TUBE1: variants seen among roughly 807,000 people sequenced by gnomAD.
The protein encoded by TUBE1 is tubulin epsilon chain.
A neutral mutation model predicts 53.5 loss-of-function variants in TUBE1; 34 were observed. That is an observed-to-expected ratio of 0.64 (90% CI 0.48 to 0.85). TUBE1 has a LOEUF of 0.85. TUBE1 is among the 40% of genes least tolerant of loss of function. The pLI, the probability that TUBE1 is intolerant of heterozygous loss-of-function variation, is 0.00. For synonymous variants in TUBE1, 177 were observed against 198.4 expected (o/e 0.89, Z 0.91); for missense variants, 532 against 570.5 (o/e 0.93, Z 0.69).
intron 4 of TUBE1, among the ~76,000 whole-genome samples, chr6:112,081,440 T>G (rs1249983032): frequency 1.3e-5 from 2 of 152,086 alleles, no homozygotes; most frequent in African/African-American, 2.4e-5. Context: ...CCAAAATGCC[T>G]AGTTGGGGGA....
At chr6:112,077,256 C>T (rs1554316205) in intron 6 of TUBE1, 1 of 152,142 alleles carries the variant, frequency 6.6e-6, no homozygotes, top group African/African-American at 2.4e-5. Context: ...AGCATGCCTA[C>T]CTCGAATTTC....
intron 3 of TUBE1, among the ~76,000 whole-genome samples, chr6:112,085,903 G>C (rs373329679): frequency 1.2e-4 from 19 of 152,124 alleles, no homozygotes; most frequent in Admixed American, 1.2e-3. Flanking sequence ...CAGGAAGCGC[G>C]GACTAATCAG....
intron 4 of TUBE1, among the ~76,000 whole-genome samples, chr6:112,081,700 A>G (rs1158614132): frequency 2.6e-5 from 4 of 152,052 alleles, no homozygotes; most frequent in African/African-American, 9.7e-5. Flanking sequence ...TCCCCCAAGT[A>G]ATTCACAATC....
chr6:112,076,541 TA>T, intron 6 of TUBE1, 32 bp from the exon 7 acceptor site: 1 of 1,534,808 alleles, frequency 6.5e-7, no homozygotes, highest in Middle Eastern at 1.8e-4. Flanking sequence ...AAAATTAGCA[TA>T]AATGATTCAG....
intron 6 of TUBE1, chr6:112,077,398 C>T (rs1776989138): frequency 1.3e-5 from 2 of 152,112 alleles, no homozygotes; most frequent in South Asian, 4.1e-4. Flanking sequence ...AAACTGGAAT[C>T]CTCTAATCCG....
chr6:112,079,636 C>T lies in TUBE1; in HGVS notation c.445G>A (p.Gly149Arg). The change falls in exon 6 of 12, where the codon GGA becomes AGA. Residue 149 changes from glycine (G) to arginine (R), a missense_variant. Gly to Arg is a moderately radical substitution (Grantham distance 125). Coordinates refer to ENST00000368662, the MANE Select transcript of TUBE1 (RefSeq NM_016262.5). Reference sequence around the variant, plus strand: ...GCAAATGAGTGAAAAATTTTACCTCCTCCCATGGAATGTATTATAAAGAAA... The same window carrying T: ...GCAAATGAGTGAAAAATTTTACCTCTTCCCATGGAATGTATTATAAAGAAA... ...QCFFIIHSMG[G>R]GTGSGLGTFL... The T allele has an allele frequency of 6.2e-7, 1 of 1,610,814 alleles. No homozygotes were observed. Among genetic ancestry groups the T allele is most frequent in the Non-Finnish European group, 8.5e-7 (1 of 1,178,618 alleles).
chr6:112,086,622 C>T lies in TUBE1; in HGVS notation c.100-14G>A. 2 of 1,583,146 alleles carry T rather than the reference C, an allele frequency of 1.3e-6. No homozygotes were observed. Among genetic ancestry groups the T allele is most frequent in the Non-Finnish European group, 1.7e-6 (2 of 1,153,362 alleles). On this transcript the variant is annotated splice_polypyrimidine_tract_variant and intron_variant, in intron 2 of 11. Transcript: ENST00000368662. The stretch of plus-strand genomic sequence containing the variant: ...ATAAATTCCTTTCTAAAAAGAAAAA[C>T]ATATGTTAATAGCATTTAGGTTTTG...
At chr6:112,075,400 T>C (rs1377644596) in intron 8 of TUBE1, 2 of 152,486 alleles carry the variant, frequency 1.3e-5, no homozygotes, top group African/African-American at 2.4e-5. Flanking sequence ...AATATACTAT[T>C]ATAGTTGCTC....
Position 112,075,064 on chromosome 6 carries a change from C to CTTTTTTTTTTTTTTTTTTTTTTTTT in TUBE1, c.813-215_813-214insAAAAAAAAAAAAAAAAAAAAAAAAA, listed in dbSNP as rs781833721. 2 of 164,854 alleles carry CTTTTTTTTTTTTTTTTTTTTTTTTT rather than the reference C, an allele frequency of 1.2e-5. 1 individual carries two copies. The allele number at this position is 164,854 out of a possible 1,614,324, so 10.2% of individuals were successfully genotyped here. ...CACACAACATCTACATTTTTTTTTT[C>CTTTTTTTTTTTTTTTTTTTTTTTTT]TTTCTTTTTTTTTTTTTTTTGAGAC... On this transcript the variant is annotated intron_variant, in intron 8 of 11. Transcript: ENST00000368662.
intron 8 of TUBE1, 169 bp from the exon 9 acceptor site, chr6:112,075,019 A>T (rs1298283115): frequency 5.7e-6 from 2 of 352,652 alleles, no homozygotes; most frequent in Non-Finnish European, 1.0e-5. Flanking sequence ...CAGAACAATC[A>T]TGTATAAAAT....
chr6:112,074,846 C>T lies in TUBE1; in HGVS notation c.817G>A (p.Ala273Thr). ...ANLLLNLTSS[A>T]RFEGSLNMDL... Reference sequence around the variant, plus strand: ...ATATTAAGGGACCCTTCAAATCTTGCAGAGCTAAAAAGTTAACATTAAAAT... The same window carrying T: ...ATATTAAGGGACCCTTCAAATCTTGTAGAGCTAAAAAGTTAACATTAAAAT... The change falls in exon 9 of 12, where the codon GCA (alanine) becomes ACA (threonine). Residue 273 changes from alanine to threonine, a missense_variant. Physicochemically the swap from Ala to Thr is moderately conservative, Grantham distance 58. Coordinates refer to ENST00000368662, the MANE Select transcript of TUBE1 (RefSeq NM_016262.5). The T allele has an allele frequency of 6.3e-7, 1 of 1,575,290 alleles. No individual in the cohort carries two copies. The highest frequency in any genetic ancestry group is 2.0e-4 in the Middle Eastern group (1 of 4,904).
intron 4 of TUBE1, among the ~76,000 whole-genome samples, chr6:112,082,697 T>A (rs1336191453): frequency 6.6e-6 from 1 of 152,206 alleles, no homozygotes; most frequent in Non-Finnish European, 1.5e-5. Context: ...GTATTTTGGG[T>A]TCTTCACTTA....
At chr6:112,075,074 T>TC (rs1776938744) in intron 8 of TUBE1, 1 of 240,964 alleles carries the variant, frequency 4.2e-6, no homozygotes, top group Non-Finnish European at 7.8e-6. Flanking sequence ...CTTTCTTTTT[T>TC]TTTTTTTTTT....
At chr6:112,073,581 C>T (rs954849614) in intron 9 of TUBE1, among the ~76,000 whole-genome samples, 1 of 152,102 alleles carries the variant, frequency 6.6e-6, no homozygotes, top group Non-Finnish European at 1.5e-5. Flanking sequence ...TGTTGCTTAG[C>T]TTGTTAAGGT....
chr6:112,071,379 G>C lies in TUBE1; in HGVS notation c.*33C>G, dbSNP rs782301721. ...ACAGAAAGGTCAGAAAAAACAATGT[G>C]AAATTAAGAAAGTATTTTTGAGGGT... On this transcript the variant is annotated 3_prime_UTR_variant, in exon 12 of 12. Coordinates refer to ENST00000368662, the MANE Select transcript of TUBE1 (RefSeq NM_016262.5). 96 of 1,445,008 alleles carry C rather than the reference G, an allele frequency of 6.6e-5. No individual in the cohort carries two copies. The highest frequency in any genetic ancestry group is 8.8e-5 in the Non-Finnish European group (95 of 1,084,018). 89.5% of individuals were successfully genotyped at this position (1,445,008 alleles called of 1,614,324 possible).
rs904952606 is a variant in TUBE1, at chr6:112,084,449, T to C, written c.153-203A>G. On this transcript the variant is annotated intron_variant, in intron 3 of 11. Coordinates refer to ENST00000368662, the MANE Select transcript of TUBE1 (RefSeq NM_016262.5). ...GAGGTACTTAGTTTCCTGGCTTTCT[T>C]TGTAGTTAGGGCTGGCCATGTAATC... is the stretch of plus-strand genomic sequence containing the variant. Among the ~76,000 whole-genome samples, 3 of 152,202 alleles carry C rather than the reference T, an allele frequency of 2.0e-5. No homozygotes were observed. In the East Asian group the frequency reaches 5.8e-4, roughly 29 times the overall value.
At chr6:112,085,187 G>T (rs150963942) in intron 3 of TUBE1, 57 of 152,334 alleles carry the variant, frequency 3.7e-4, no homozygotes, top group African/African-American at 1.3e-3. Flanking sequence ...TACTCAAAAG[G>T]TATAAAAATT....
chr6:112,071,333 C>A lies in TUBE1; in HGVS notation c.*79G>T. ...CGATAATATGAAAAAACTGGAGTTTCCAAATTACAAAAATGTTGAAACAGA... is the reference window on the plus strand; with the variant it reads ...CGATAATATGAAAAAACTGGAGTTTACAAATTACAAAAATGTTGAAACAGA... On this transcript the variant is annotated 3_prime_UTR_variant, in exon 12 of 12. Transcript: ENST00000368662. 1 of 1,330,670 alleles carries A rather than the reference C, an allele frequency of 7.5e-7. No individual in the cohort carries two copies. Among genetic ancestry groups the A allele is most frequent in the Non-Finnish European group, 9.9e-7 (1 of 1,013,636 alleles). 82.4% of individuals were successfully genotyped at this position (1,330,670 alleles called of 1,614,324 possible). A position where few individuals can be genotyped will look rare whatever the true frequency, so the allele number is the denominator to read the frequency against.
rs1777061227 is a variant in TUBE1 at position 112,081,019 on chromosome 6, C to T, written c.326+73G>A. 5.3e-6 allele frequency: 5 copies of T among 945,482 alleles called. No homozygotes were observed. The Admixed American group carries it at 7.6e-5, about 14-fold the overall frequency. 58.6% of individuals were successfully genotyped at this position (945,482 alleles called of 1,614,324 possible). A position where few individuals can be genotyped will look rare whatever the true frequency, so the allele number is the denominator to read the frequency against. On this transcript the variant is annotated intron_variant, in intron 5 of 11. Transcript: ENST00000368662. ...CAAATTACATCCTGTTTCGTATCAG[C>T]AGAATCTCACAATGAAGAAAGATTG...
Sources: gnomAD v4.1 joint callset for allele counts (sites outside exome capture counted in the v4.1 genomes callset) on GRCh38, gnomAD v4.1.1 for gene constraint, MANE v1.5 for transcripts, NCBI Gene and HGNC (gene_info 2026-07-23, HGNC 2026-07-21) for gene names.